Variants in RIBC1 observed in about 807,000 individuals in gnomAD.
RIBC1 encodes the protein RIB43A domain with coiled-coils 1, also known as RIB43A-like with coiled-coils protein 1.
Under a neutral mutation model 33.7 loss-of-function variants are expected in RIBC1, and 12 were observed. The observed-to-expected ratio is 0.36, with a 90% confidence interval of 0.23 to 0.58. RIBC1 has a LOEUF of 0.58. Among genes scored for constraint, RIBC1 ranks in the 20% least tolerant of loss-of-function variants. RIBC1 has a pLI of 0.81. For missense variants in RIBC1, 242 were observed against 311.6 expected (o/e 0.78, Z 1.68); for synonymous variants, 89 against 109.0 (o/e 0.82, Z 1.14).
In RIBC1 at chrX:53,431,034, C is replaced by A; in HGVS notation, c.*46C>A. Reference sequence around the variant, plus strand: ...TCTCCCTTCTCCTCCATCAAGCTCACAGGTGGTTAGGAGTCAAAGAGAAAA... The same window carrying A: ...TCTCCCTTCTCCTCCATCAAGCTCAAAGGTGGTTAGGAGTCAAAGAGAAAA... On this transcript the variant is annotated 3_prime_UTR_variant, in exon 8 of 8. Transcript: ENST00000375327. 1 of 1,210,695 alleles carries A rather than the reference C, an allele frequency of 8.3e-7. No homozygotes were observed. Among genetic ancestry groups the A allele is most frequent in the African/African-American group, 1.7e-5 (1 of 57,815 alleles).
intron 6 of RIBC1, 150 bp downstream of exon 6, chrX:53,430,122 T>C: frequency 2.0e-6 from 1 of 509,517 alleles, no homozygotes. Context: ...AAGGCCCCTC[T>C]TAGGGTACAA....
rs1290182647 is a variant in RIBC1, at chrX:53,429,881, C to T, written c.572C>T (p.Ala191Val). 1 of 1,202,593 alleles carries T rather than the reference C, an allele frequency of 8.3e-7. No homozygotes were observed. Among genetic ancestry groups the T allele is most frequent in the Non-Finnish European group, 1.1e-6 (1 of 890,269 alleles). Reference sequence around the variant, plus strand: ...GCGCTCAGTAACCAGCTGCGCCTCGCCATGGATGCACAGGCCACCCATCTG... The same window carrying T: ...GCGCTCAGTAACCAGCTGCGCCTCGTCATGGATGCACAGGCCACCCATCTG... ...TDALSNQLRL[A>V]MDAQATHLAR... The change falls in exon 6 of 8, where the codon GCC becomes GTC. Residue 191 changes from alanine to valine, a missense_variant. By Grantham distance (64) the Ala-to-Val change is moderately conservative (BLOSUM62 0). Transcript: ENST00000375327.
intron 5 of RIBC1, chrX:53,428,973 G>C: frequency 2.8e-6 from 1 of 353,454 alleles, no homozygotes; most frequent in South Asian, 1.1e-4. Context: ...ATACCACATA[G>C]AGTAGCTACT....
At chrX:53,429,788 G>A in intron 5 of RIBC1, 66 bp from the exon 6 acceptor site, 1 of 1,155,915 alleles carries the variant, frequency 8.7e-7, no homozygotes, top group Non-Finnish European at 1.2e-6. Flanking sequence ...CTGAACAAAT[G>A]GCTGGATGAG....
Position 53,430,780 on chromosome X carries a change from CAAA to C in RIBC1, c.1051_1053del (p.Lys351del), listed in dbSNP as rs1556894302. 1 of 1,202,357 alleles carries C rather than the reference CAAA, an allele frequency of 8.3e-7. No homozygotes were observed. Among genetic ancestry groups the C allele is most frequent in the Non-Finnish European group, 1.1e-6 (1 of 891,186 alleles). Reference sequence around the variant, plus strand: ...CTTCAACCAGCAGCTGGCTAATGAGCAAAAAGCCCAGTGAGTTCTAGGTGGTAG... The same window carrying C: ...CTTCAACCAGCAGCTGGCTAATGAGCAAGCCCAGTGAGTTCTAGGTGGTAG... On this transcript the variant is annotated inframe_deletion, in exon 7 of 8. Coordinates refer to ENST00000375327, the MANE Select transcript of RIBC1 (RefSeq NM_001031745.5).
chrX:53,430,609 C>T lies in RIBC1; in HGVS notation c.877C>T (p.Arg293Cys), dbSNP rs368172317. The T allele has an allele frequency of 2.2e-5, 26 of 1,203,562 alleles. No individual in the cohort carries two copies. Among genetic ancestry groups the T allele is most frequent in the African/African-American group, 8.7e-5 (5 of 57,174 alleles). Residue 293 changes from arginine to cysteine, a missense_variant, in exon 7 of 8, where the codon CGC becomes TGC. Arg to Cys is a radical substitution (Grantham distance 180). Transcript: ENST00000375327. ...AAIRKEQEVQ[R>C]SKKQAHRQAE... ...CATCAGGAAAGAGCAGGAAGTACAA[C>T]GCTCTAAGAAGCAAGCACACCGTCA...
At chrX:53,429,264 A>G (rs2075808321) in intron 5 of RIBC1, 1 of 115,724 alleles carries the variant, frequency 8.6e-6, no homozygotes, top group Non-Finnish European at 1.8e-5. Context: ...TCTTAGGAAC[A>G]GCAAGGAGCT....
Position 53,426,489 on chromosome X carries a change from C to T in RIBC1, c.117+96C>T, listed in dbSNP as rs140933436. 8.4e-6 allele frequency: 5 copies of T among 594,405 alleles called. No individual in the cohort carries two copies. The South Asian group carries it at 1.1e-4, about 13-fold the overall frequency. 49.0% of individuals were successfully genotyped at this position (594,405 alleles called of 1,213,427 possible). On this transcript the variant is annotated intron_variant, in intron 3 of 7. Coordinates refer to ENST00000375327, the MANE Select transcript of RIBC1 (RefSeq NM_001031745.5). Reference sequence around the variant, plus strand: ...AACAGTGCCCATGATAGCCCTTCCCCTGATTCAAGTAGGCCCCTAGGGCAG... The same window carrying T: ...AACAGTGCCCATGATAGCCCTTCCCTTGATTCAAGTAGGCCCCTAGGGCAG...
chrX:53,427,986 C>T lies in RIBC1; in HGVS notation c.118-17C>T. On this transcript the variant is annotated splice_polypyrimidine_tract_variant and intron_variant, in intron 3 of 7. Transcript: ENST00000375327. ...GCTGGGCCCCTACTCTGATTGTGCT[C>T]CTTTCTTTGGGATCAGGTGGATGTC... 3.3e-6 allele frequency: 4 copies of T among 1,202,037 alleles called. No individual in the cohort carries two copies. Among genetic ancestry groups the T allele is most frequent in the South Asian group, 1.8e-5 (1 of 56,609 alleles).
chrX:53,430,127 G>A (rs782544120), intron 6 of RIBC1, among the ~76,000 whole-genome samples, 155 bp downstream of exon 6: 1 of 111,996 alleles, frequency 8.9e-6, no homozygotes, highest in Non-Finnish European at 1.9e-5. Context: ...CCCTCTTAGG[G>A]TACAAGTCAC....
At chrX:53,425,022 T>C (rs1414542182) in intron 2 of RIBC1, among the ~76,000 whole-genome samples, 1 of 111,127 alleles carries the variant, frequency 9.0e-6, no homozygotes, top group Non-Finnish European at 1.9e-5. Context: ...TGAAACCCCA[T>C]CTCTACTAAA....
chrX:53,425,806 G>T (rs781945169), intron 2 of RIBC1, among the ~76,000 whole-genome samples: 5 of 112,286 alleles, frequency 4.5e-5, no homozygotes, highest in Admixed American at 9.5e-5. Flanking sequence ...ACTGAATAGA[G>T]TATAATGAAA....
At chrX:53,428,720 G>T in intron 5 of RIBC1, 93 bp downstream of exon 5, 1 of 1,155,238 alleles carries the variant, frequency 8.7e-7, no homozygotes, top group South Asian at 2.1e-5. Flanking sequence ...AGAACTGTGT[G>T]GGGAGGTCCA....
chrX:53,428,216 A>G (rs1221187096), intron 4 of RIBC1, 67 bp from the exon 5 acceptor site: 1 of 1,198,353 alleles, frequency 8.3e-7, no homozygotes, highest in Non-Finnish European at 1.1e-6. Flanking sequence ...TTGAGAGTAG[A>G]GGACATGCTA....
chrX:53,425,071 C>G (rs1187479528), intron 2 of RIBC1, among the ~76,000 whole-genome samples: 2 of 111,458 alleles, frequency 1.8e-5, no homozygotes, highest in African/African-American at 6.5e-5. Context: ...TCAACTACTT[C>G]ACAGTTACAA....
At chrX:53,430,047 T>TCTTC in intron 6 of RIBC1, 75 bp downstream of exon 6, 3 of 861,174 alleles carry the variant, frequency 3.5e-6, no homozygotes, top group Non-Finnish European at 5.1e-6. Flanking sequence ...TTAGCCATAT[T>TCTTC]CTTCCTCTTA....
intron 2 of RIBC1, among the ~76,000 whole-genome samples, chrX:53,425,551 G>T (rs977647249): frequency 3.9e-4 from 40 of 102,169 alleles, no homozygotes; most frequent in Non-Finnish European, 8.1e-5. Context: ...AGGGTGGGGG[G>T]ACATATATTT....
Position 53,428,503 on chromosome X carries a change from G to C in RIBC1, c.420G>C (p.Gln140His). ...CCTATCCTGGTCCAGCCAGCCTGCAGTACTTCTCTGGGGAAGACCTAGACA... is the reference window on the plus strand; with the variant it reads ...CCTATCCTGGTCCAGCCAGCCTGCACTACTTCTCTGGGGAAGACCTAGACA... ...SNTYPGPASL[Q>H]YFSGEDLDRD... The change falls in exon 5 of 8, where the codon CAG becomes CAC. Residue 140 changes from glutamine to histidine, a missense_variant. Transcript: ENST00000375327. 1 of 1,209,371 alleles carries C rather than the reference G, an allele frequency of 8.3e-7. No individual in the cohort carries two copies.
At position 53,428,434 on chromosome X, in the gene RIBC1, C is replaced by G. The variant is rs782256603; in HGVS notation, c.351C>G (p.Gly117=). 8.3e-7 allele frequency: 1 copy of G among 1,210,678 alleles called. No homozygotes were observed. Among genetic ancestry groups the G allele is most frequent in the South Asian group, 1.8e-5 (1 of 56,822 alleles). Residue 117 remains glycine (G), a synonymous_variant, in exon 5 of 8, where the codon GGC becomes GGG. Coordinates refer to ENST00000375327, the MANE Select transcript of RIBC1 (RefSeq NM_001031745.5). ...NGREFSLWDP[G]QVWKGLPTYL... ...GTGAATTTAGTCTTTGGGATCCAGG[C>G]CAAGTCTGGAAGGGGCTTCCAACCT...
Sources: allele counts gnomAD v4.1 joint callset (sites outside exome capture counted in the v4.1 genomes callset), GRCh38; gene constraint gnomAD v4.1.1; transcripts MANE v1.5; gene names NCBI Gene and HGNC (gene_info 2026-07-23, HGNC 2026-07-21).